The following VPS13B variants were observed in gnomAD, a reference collection of about 807,000 sequenced individuals.
VPS13B encodes the protein vacuolar protein sorting 13 homolog B, also known as intermembrane lipid transfer protein VPS13B.
VPS13B carries 285 observed loss-of-function variants against 426.4 expected under a neutral mutation model. The observed-to-expected ratio is 0.67, with a 90% CI of 0.61 to 0.74. VPS13B has a LOEUF of 0.74. Ranked by LOEUF, VPS13B falls within the 30% of genes least tolerant of loss-of-function variation. The pLI is 0.00. For synonymous variants in VPS13B, 1,676 were observed against 1,676.4 expected (o/e 1.00, Z 0.01); for missense variants, 4,537 against 4,782.6 (o/e 0.95, Z 1.51).
At chr8:99,434,312 G>A (rs1563728249) in intron 22 of VPS13B, among the ~76,000 whole-genome samples, 1 of 152,128 alleles carries the variant, frequency 6.6e-6, no homozygotes, top group Admixed American at 6.5e-5. Context: ...AGTGAGTTTG[G>A]AAGTGTATTC....
intron 19 of VPS13B, among the ~76,000 whole-genome samples, chr8:99,372,991 AG>A (rs747648431): frequency 2.6e-5 from 4 of 152,252 alleles, no homozygotes; most frequent in Admixed American, 1.3e-4. Context: ...GTCACAAAAA[AG>A]AATGAGTTCA....
At chr8:99,617,332 ATT>A (rs1828137636) in intron 33 of VPS13B, among the ~76,000 whole-genome samples, 1 of 151,888 alleles carries the variant, frequency 6.6e-6, no homozygotes, top group African/African-American at 2.4e-5. Flanking sequence ...GTTTGTTTGT[ATT>A]TTGTTTGTTT....
intron 43 of VPS13B, among the ~76,000 whole-genome samples, chr8:99,802,891 A>G (rs1215498638): frequency 6.6e-6 from 1 of 152,196 alleles, no homozygotes; most frequent in Non-Finnish European, 1.5e-5. Flanking sequence ...GAAATCACTC[A>G]GCCTCTGTGT....
chr8:99,585,699 A>T (rs1826270605), intron 33 of VPS13B, among the ~76,000 whole-genome samples: 1 of 152,210 alleles, frequency 6.6e-6, no homozygotes, highest in Non-Finnish European at 1.5e-5. Flanking sequence ...AATCACAGTT[A>T]TGAAAAACTC....
Position 99,835,684 on chromosome 8 carries a change from T to A in VPS13B, c.9888T>A (p.Asp3296Glu). ...PSLLLRVEPL[D>E]EVTTEWSDAI... is the part of the protein sequence containing the mutation. The stretch of plus-strand genomic sequence containing the variant: ...TACTTTTGAGAGTTGAACCTCTAGA[T>A]GAAGTAACAACTGAGTGGAGTGATG... Residue 3296 changes from aspartate (D) to glutamate (E), a missense_variant, in exon 54 of 62, where the codon GAT becomes GAA. Asp to Glu is a conservative substitution (Grantham distance 45). This residue lies in a region of VPS13B where 4,311 missense variants were observed against 4,474.3 expected (regional missense o/e 0.96). Coordinates refer to ENST00000357162, the MANE Select transcript of VPS13B (RefSeq NM_152564.5). 6.2e-7 allele frequency: 1 copy of A among 1,614,164 alleles called. No individual in the cohort carries two copies. The highest frequency in any genetic ancestry group is 1.1e-5 in the South Asian group (1 of 91,078).
Position 99,706,779 on chromosome 8 carries a change from A to G in VPS13B, c.6454+6847A>G, listed in dbSNP as rs113239803. On this transcript the variant is annotated intron_variant, in intron 36 of 61. Coordinates refer to ENST00000357162, the MANE Select transcript of VPS13B (RefSeq NM_152564.5). ...CCTTAGCATTCTAATGATAGCCCCTATTAGGTTAGTATTAAGTAAAATGGA... is the reference window on the plus strand; with the variant it reads ...CCTTAGCATTCTAATGATAGCCCCTGTTAGGTTAGTATTAAGTAAAATGGA... 3.8e-3 allele frequency among the ~76,000 whole-genome samples: 586 copies of G among 152,208 alleles called. 6 individuals are homozygous for G. The highest frequency in any genetic ancestry group is 0.012 in the African/African-American group (519 of 41,552).
At chr8:99,750,586 A>C (rs962462720) in intron 39 of VPS13B, among the ~76,000 whole-genome samples, 1 of 152,054 alleles carries the variant, frequency 6.6e-6, no homozygotes, top group Non-Finnish European at 1.5e-5. Flanking sequence ...AGAGCAGGAG[A>C]CCTTTGTAGC....
chr8:99,661,603 T>C (rs1830226022), intron 35 of VPS13B, 112 bp downstream of exon 35: 2 of 1,347,070 alleles, frequency 1.5e-6, no homozygotes, highest in Admixed American at 3.9e-5. Context: ...GAATAGTTCA[T>C]TTTTTCCCAG....
intron 8 of VPS13B, among the ~76,000 whole-genome samples, chr8:99,127,284 T>G (rs1302427797): frequency 6.6e-6 from 1 of 152,146 alleles, no homozygotes; most frequent in Admixed American, 6.5e-5. Flanking sequence ...CATCATGATA[T>G]AGATGCTGAT....
intron 33 of VPS13B, among the ~76,000 whole-genome samples, chr8:99,600,910 T>C (rs762918234): frequency 2.0e-5 from 3 of 152,306 alleles, no homozygotes; most frequent in Non-Finnish European, 4.4e-5. Context: ...CACTGTTTCC[T>C]TTATACCCTA....
chr8:99,665,467 C>T (rs1212981613), intron 35 of VPS13B, among the ~76,000 whole-genome samples: 1 of 152,156 alleles, frequency 6.6e-6, no homozygotes, highest in African/African-American at 2.4e-5. Context: ...ACATTTAAGT[C>T]TTTAATCCAT....
intron 35 of VPS13B, among the ~76,000 whole-genome samples, chr8:99,664,343 T>A (rs1178131605): frequency 6.6e-6 from 1 of 151,894 alleles, no homozygotes; most frequent in African/African-American, 2.4e-5. Flanking sequence ...ATACTTTAAG[T>A]TTTAGGGTAC....
intron 19 of VPS13B, among the ~76,000 whole-genome samples, chr8:99,320,236 A>G (rs1053813747): frequency 4.1e-4 from 62 of 152,290 alleles, no homozygotes; most frequent in African/African-American, 1.2e-3. Context: ...CTTAATAAGC[A>G]CACTAATTTC....
At chr8:99,832,266 AAAAAAG>A in intron 51 of VPS13B, 97 bp from the exon 52 acceptor site, 3 of 1,418,044 alleles carry the variant, frequency 2.1e-6, no homozygotes, top group South Asian at 2.7e-5. Flanking sequence ...TCTCAAAAAA[AAAAAAG>A]AAAAGAAAAG....
At chr8:99,508,921 CCTTT>C (rs1173657231) in intron 28 of VPS13B, among the ~76,000 whole-genome samples, 1 of 151,718 alleles carries the variant, frequency 6.6e-6, no homozygotes, top group Non-Finnish European at 1.5e-5. Context: ...AAAAAAACAC[CCTTT>C]CTTCATGTGG....
intron 33 of VPS13B, among the ~76,000 whole-genome samples, chr8:99,593,327 A>G (rs1826791073): frequency 1.3e-5 from 2 of 152,204 alleles, no homozygotes; most frequent in African/African-American, 4.8e-5. Context: ...ATCACTGATC[A>G]TTAGAGAAAG....
chr8:99,729,775 T>C (rs1833513173), intron 39 of VPS13B, among the ~76,000 whole-genome samples: 2 of 152,248 alleles, frequency 1.3e-5, no homozygotes, highest in African/African-American at 4.8e-5. Context: ...CTTCATTAAA[T>C]CTTATAGTTG....
intron 19 of VPS13B, among the ~76,000 whole-genome samples, chr8:99,333,852 G>A (rs1810675188): frequency 6.6e-6 from 1 of 151,958 alleles, no homozygotes; most frequent in Non-Finnish European, 1.5e-5. Context: ...AGTGTCTAGT[G>A]TTTTACACAA....
chr8:99,380,274 A>C (rs1813720401), intron 19 of VPS13B, among the ~76,000 whole-genome samples: 1 of 152,188 alleles, frequency 6.6e-6, no homozygotes, highest in South Asian at 2.1e-4. Flanking sequence ...TCTGTGTATA[A>C]GTGATACTTG....
Sources: gnomAD v4.1 joint callset for allele counts (sites outside exome capture counted in the v4.1 genomes callset) on GRCh38, gnomAD v4.1.1 for gene constraint, gnomAD v4.1.1 regional missense constraint, MANE v1.5 for transcripts, NCBI Gene and HGNC (gene_info 2026-07-23, HGNC 2026-07-21) for gene names.